Variants in ATRNL1 observed in about 807,000 individuals in gnomAD.
ATRNL1 encodes attractin-like protein 1.
In ATRNL1, 95 loss-of-function variants were observed where a neutral mutation model predicts 182.7. That is an observed-to-expected ratio of 0.52 (90% CI 0.44 to 0.62). The LOEUF (loss-of-function observed/expected upper bound fraction) is 0.62, where lower values mean the gene tolerates loss of function less well. ATRNL1 is among the 20% of genes least tolerant of loss of function. ATRNL1 has a pLI of 0.00. For synonymous variants in ATRNL1, 576 were observed against 568.3 expected (o/e 1.01, Z -0.19); for missense variants, 1,471 against 1,679.5 (o/e 0.88, Z 2.17).
At chr10:115,435,696 C>A (rs959720588) in intron 21 of ATRNL1, among the ~76,000 whole-genome samples, 1 of 152,108 alleles carries the variant, frequency 6.6e-6, no homozygotes, top group Non-Finnish European at 1.5e-5. Flanking sequence ...TACTCTATCC[C>A]CAGCTAATAT....
intron 20 of ATRNL1, among the ~76,000 whole-genome samples, chr10:115,400,679 C>G (rs1844521348): frequency 6.6e-6 from 1 of 151,948 alleles, no homozygotes; most frequent in African/African-American, 2.4e-5. Context: ...TGAATTGAAC[C>G]CTTTACCATT....
In ATRNL1 at chr10:115,192,991, A is replaced by T. The variant is rs183213757; in HGVS notation, c.1348+21699A>T. Among the ~76,000 whole-genome samples the T allele has an allele frequency of 4.6e-5, 7 of 152,134 alleles. No homozygotes were observed. In the East Asian group the frequency reaches 1.4e-3, roughly 29 times the overall value. On this transcript the variant is annotated intron_variant, in intron 8 of 28. Transcript: ENST00000355044. Reference sequence around the variant, plus strand: ...TTTGGAGTCTTTAGGTTTTCTAAATATAAGATCATATAATCTATAAACAAG... The same window carrying T: ...TTTGGAGTCTTTAGGTTTTCTAAATTTAAGATCATATAATCTATAAACAAG...
At chr10:115,623,042 C>T (rs1857874566) in intron 26 of ATRNL1, among the ~76,000 whole-genome samples, 1 of 152,018 alleles carries the variant, frequency 6.6e-6, no homozygotes, top group South Asian at 2.1e-4. Context: ...AACAGCATAG[C>T]GTCATTGTAT....
At chr10:115,884,029 G>A (rs1290758726) in intron 28 of ATRNL1, among the ~76,000 whole-genome samples, 1 of 152,196 alleles carries the variant, frequency 6.6e-6, no homozygotes, top group Non-Finnish European at 1.5e-5. Flanking sequence ...TTAGATATGG[G>A]CTTCTGTGGC....
intron 9 of ATRNL1, among the ~76,000 whole-genome samples, chr10:115,228,277 ATAAG>A (rs1554899133): frequency 6.6e-6 from 1 of 152,196 alleles, no homozygotes; most frequent in African/African-American, 2.4e-5. Flanking sequence ...GTTACATTTA[ATAAG>A]TAAGAGAGAA....
chr10:115,505,043 A>G (rs1485078419), intron 24 of ATRNL1, among the ~76,000 whole-genome samples: 1 of 152,166 alleles, frequency 6.6e-6, no homozygotes, highest in African/African-American at 2.4e-5. Context: ...TGAAAATCAA[A>G]TTACAAAATT....
chr10:115,631,340 T>G (rs537480817), intron 26 of ATRNL1, among the ~76,000 whole-genome samples: 203 of 152,102 alleles, frequency 1.3e-3, no homozygotes, highest in African/African-American at 4.3e-3. Flanking sequence ...CATACATAAA[T>G]TTTATAAAAA....
chr10:115,818,369 A>T (rs2134275465), intron 27 of ATRNL1, among the ~76,000 whole-genome samples: 1 of 152,250 alleles, frequency 6.6e-6, no homozygotes, highest in African/African-American at 2.4e-5. Flanking sequence ...GTTAACCAAC[A>T]GTTGGAACTC....
At chr10:115,340,268 A>C (rs947693722) in intron 19 of ATRNL1, among the ~76,000 whole-genome samples, 2 of 151,900 alleles carry the variant, frequency 1.3e-5, no homozygotes, top group South Asian at 4.2e-4. Flanking sequence ...CTCAGCCTCC[A>C]AGTAGCTGGG....
At chr10:115,639,353 C>G (rs552028721) in intron 26 of ATRNL1, among the ~76,000 whole-genome samples, 2 of 152,284 alleles carry the variant, frequency 1.3e-5, no homozygotes, top group Admixed American at 1.3e-4. Context: ...AAACTAAAAT[C>G]ATTTATCTGC....
At chr10:115,785,227 G>A (rs965927786) in intron 27 of ATRNL1, among the ~76,000 whole-genome samples, 11 of 152,166 alleles carry the variant, frequency 7.2e-5, no homozygotes, top group South Asian at 4.1e-4. Context: ...TTCCAAAAGG[G>A]AGCAAATGAA....
chr10:115,766,307 G>A (rs1948858304), intron 27 of ATRNL1, among the ~76,000 whole-genome samples: 1 of 152,128 alleles, frequency 6.6e-6, no homozygotes, highest in Non-Finnish European at 1.5e-5. Context: ...TGACACTACT[G>A]ACATTTTGGC....
intron 27 of ATRNL1, among the ~76,000 whole-genome samples, chr10:115,728,415 T>G (rs1947683282): frequency 6.6e-6 from 1 of 152,048 alleles, no homozygotes; most frequent in Non-Finnish European, 1.5e-5. Flanking sequence ...TTATTTACTT[T>G]TATATGTGGT....
At chr10:115,436,092 G>A (rs1332575541) in intron 21 of ATRNL1, among the ~76,000 whole-genome samples, 13 of 151,924 alleles carry the variant, frequency 8.6e-5, no homozygotes, top group Admixed American at 7.2e-4. Flanking sequence ...AGTTTATTAC[G>A]GACATAGGGT....
chr10:115,198,721 T>G (rs1848449359), intron 8 of ATRNL1, among the ~76,000 whole-genome samples: 1 of 152,178 alleles, frequency 6.6e-6, no homozygotes, highest in South Asian at 2.1e-4. Flanking sequence ...TTCTTCTGCA[T>G]GTGGATATCC....
In ATRNL1 at chr10:115,637,517, G is replaced by A. The variant is rs561930613; in HGVS notation, c.3795+87981G>A. Among the ~76,000 whole-genome samples, 5 of 151,366 alleles carry A rather than the reference G, an allele frequency of 3.3e-5. No individual in the cohort carries two copies. In the South Asian group the frequency reaches 1.0e-3, roughly 32 times the overall value. On this transcript the variant is annotated intron_variant, in intron 26 of 28. Transcript: ENST00000355044. The stretch of plus-strand genomic sequence containing the variant: ...TATAGCAGTATGTATGTTTTAACCT[G>A]CGTTATTATGGAAGTCAGAAAATTA...
chr10:115,254,289 C>G (rs548383248), intron 10 of ATRNL1, among the ~76,000 whole-genome samples: 32 of 152,320 alleles, frequency 2.1e-4, no homozygotes, highest in African/African-American at 7.7e-4. Flanking sequence ...GCATCCTCTC[C>G]AACATCTGTT....
intron 27 of ATRNL1, among the ~76,000 whole-genome samples, chr10:115,838,174 A>AT (rs1314106158): frequency 3.3e-5 from 5 of 152,176 alleles, no homozygotes; most frequent in Admixed American, 6.5e-5. Flanking sequence ...CAGTAAAGTC[A>AT]TTTGGGTCTG....
intron 20 of ATRNL1, among the ~76,000 whole-genome samples, chr10:115,414,764 G>C (rs559928940): frequency 4.2e-4 from 64 of 151,882 alleles, no homozygotes; most frequent in Non-Finnish European, 8.0e-4. Flanking sequence ...CACAAAAGCT[G>C]ACATATTATT....
Sources: allele counts gnomAD v4.1 joint callset (sites outside exome capture counted in the v4.1 genomes callset), GRCh38; gene constraint gnomAD v4.1.1; transcripts MANE v1.5; gene names NCBI Gene and HGNC (gene_info 2026-07-23, HGNC 2026-07-21).